RHBDD1: variants seen among roughly 807,000 people sequenced by gnomAD.
RHBDD1 encodes rhomboid-related protein 4.
Under a neutral mutation model 36.3 loss-of-function variants are expected in RHBDD1, and 38 were observed. The ratio of observed to expected loss-of-function variants is 1.05; its 90% CI spans 0.81 to 1.37. The LOEUF is 1.37. Among genes scored for constraint, RHBDD1 ranks in the 40% most tolerant of loss-of-function variants. RHBDD1 has a pLI of 0.00. For missense variants in RHBDD1, 393 were observed against 377.6 expected (o/e 1.04, Z -0.34); for synonymous variants, 151 against 136.5 (o/e 1.11, Z -0.74).
chr2:226,983,493 C>T (rs937891265), intron 8 of RHBDD1, among the ~76,000 whole-genome samples: 4 of 152,180 alleles, frequency 2.6e-5, no homozygotes, highest in Non-Finnish European at 5.9e-5. Flanking sequence ...CCTTGTTTTA[C>T]AAGACACATG....
At chr2:226,988,469 G>A in intron 8 of RHBDD1, 1 of 1,547,048 alleles carries the variant, frequency 6.5e-7, no homozygotes, top group Non-Finnish European at 8.7e-7. Context: ...AGGCTGCAGG[G>A]TCCCTGTAGT....
chr2:226,813,555 G>A, the RHBDD1 span, among the ~76,000 whole-genome samples: 1 of 152,128 alleles, frequency 6.6e-6, no homozygotes, highest in African/African-American at 2.4e-5. Flanking sequence ...TCATAGAATG[G>A]CAATTAGATT....
At chr2:226,987,914 T>C (rs142872871) in intron 8 of RHBDD1, among the ~76,000 whole-genome samples, 165 of 152,332 alleles carry the variant, frequency 1.1e-3, no homozygotes, top group Non-Finnish European at 2.1e-3. Context: ...TCTTCATTTC[T>C]GTGCACACTT....
At chr2:226,876,366 C>G (rs1240360364) in intron 5 of RHBDD1, among the ~76,000 whole-genome samples, 2 of 152,326 alleles carry the variant, frequency 1.3e-5, no homozygotes, top group East Asian at 3.9e-4. Context: ...CACGGGAGAG[C>G]AGTTTCCAAG....
chr2:226,992,880 C>T (rs1165979454), intron 8 of RHBDD1, among the ~76,000 whole-genome samples: 1 of 152,162 alleles, frequency 6.6e-6, no homozygotes, highest in African/African-American at 2.4e-5. Flanking sequence ...GTCCCTAACA[C>T]CTTCTGAGCC....
chr2:226,866,239 T>TCC (rs542880940), intron 4 of RHBDD1, among the ~76,000 whole-genome samples: 13 of 152,036 alleles, frequency 8.6e-5, no homozygotes, highest in Non-Finnish European at 5.9e-5. Flanking sequence ...GCCCAGCTAA[T>TCC]TTTTGTATTT....
chr2:226,835,408 T>G (rs531883026), upstream of RHBDD1, among the ~76,000 whole-genome samples: 1 of 152,346 alleles, frequency 6.6e-6, no homozygotes, highest in Admixed American at 6.5e-5. Context: ...CGTTGCGTGG[T>G]GCAGTCCCAG....
At chr2:226,927,443 G>C (rs567628503) in intron 8 of RHBDD1, among the ~76,000 whole-genome samples, 1 of 151,660 alleles carries the variant, frequency 6.6e-6, no homozygotes, top group Non-Finnish European at 1.5e-5. Context: ...AAAAATTTAC[G>C]TACCGGAATT....
At position 226,995,471 on chromosome 2, in the gene RHBDD1, C is replaced by T. The variant is rs79028313; in HGVS notation, c.897C>T (p.Leu299=). ...RNSPPPYGFH[L]SPEEMRRQRL... is the part of the protein sequence containing the mutation. ...GCCCACCACCCTACGGGTTTCATCT[C>T]TCACCAGAAGAAATGAGGAGACAGC... is the stretch of plus-strand genomic sequence containing the variant. Residue 299 remains leucine (L), a synonymous_variant, in exon 9 of 9, where the codon CTC becomes CTT. Coordinates refer to ENST00000392062, the MANE Select transcript of RHBDD1 (RefSeq NM_001167608.3). The T allele has an allele frequency of 1.5e-3, 2,466 of 1,613,318 alleles. 32 individuals carry two copies. The African/African-American group carries it at 0.029, about 19-fold the overall frequency.
chr2:226,861,439 G>T (rs771194717), intron 3 of RHBDD1, among the ~76,000 whole-genome samples: 4 of 152,162 alleles, frequency 2.6e-5, no homozygotes, highest in Non-Finnish European at 5.9e-5. Context: ...CAGAGCCTGG[G>T]ACACAGTGTG....
intron 8 of RHBDD1, among the ~76,000 whole-genome samples, chr2:226,925,949 C>T (rs891562565): frequency 1.3e-5 from 2 of 151,694 alleles, no homozygotes; most frequent in Non-Finnish European, 2.9e-5. Context: ...GTGTGTGTTT[C>T]AGAGGGGAAA....
intron 3 of RHBDD1, among the ~76,000 whole-genome samples, chr2:226,840,759 C>A (rs987330370): frequency 6.6e-6 from 1 of 152,134 alleles, no homozygotes; most frequent in Non-Finnish European, 1.5e-5. Flanking sequence ...GTCACAATAT[C>A]AGGATAGTAA....
intron 8 of RHBDD1, among the ~76,000 whole-genome samples, chr2:226,943,766 G>C (rs554972813): frequency 2.0e-5 from 3 of 152,258 alleles, no homozygotes; most frequent in Non-Finnish European, 4.4e-5. Flanking sequence ...CTTACATAAC[G>C]CAGGCCTAGT....
intron 8 of RHBDD1, among the ~76,000 whole-genome samples, chr2:226,967,578 GCCTTCATGATAA>G (rs1952743702): frequency 7.6e-6 from 1 of 131,570 alleles, no homozygotes; most frequent in Non-Finnish European, 1.5e-5. Context: ...TGGCTTTTTG[GCCTTCATGATAA>G]CCTATTAGTG....
chr2:226,981,413 A>G (rs909673580), intron 8 of RHBDD1, among the ~76,000 whole-genome samples: 1 of 151,910 alleles, frequency 6.6e-6, no homozygotes, highest in African/African-American at 2.4e-5. Context: ...AAAATTTTTT[A>G]AAAAAGGAGC....
chr2:226,960,143 T>C (rs1952083577), intron 8 of RHBDD1, among the ~76,000 whole-genome samples: 1 of 152,200 alleles, frequency 6.6e-6, no homozygotes, highest in Admixed American at 6.5e-5. Flanking sequence ...TTTAGTAAAC[T>C]GTCAAGCTGT....
intron 8 of RHBDD1, among the ~76,000 whole-genome samples, chr2:226,995,098 T>TA (rs925907070): frequency 6.4e-4 from 89 of 139,242 alleles, no homozygotes; most frequent in Middle Eastern, 3.6e-3. Flanking sequence ...TATATGGGCA[T>TA]AAAAAAAAAA....
chr2:226,914,468 A>T (rs1467219812), intron 8 of RHBDD1, 117 bp downstream of exon 8: 1 of 1,194,488 alleles, frequency 8.4e-7, no homozygotes, highest in African/African-American at 1.5e-5. Context: ...GGATATGTAG[A>T]TGAAAACTGT....
At chr2:226,817,415 G>C in the RHBDD1 span, among the ~76,000 whole-genome samples, 196 of 152,246 alleles carry the variant, frequency 1.3e-3, 1 homozygote, top group Admixed American at 0.01. Flanking sequence ...AAAAATAACT[G>C]GGCACCGATC....
Sources: gnomAD v4.1 joint callset for allele counts (sites outside exome capture counted in the v4.1 genomes callset) on GRCh38, gnomAD v4.1.1 for gene constraint, MANE v1.5 for transcripts, NCBI Gene and HGNC (gene_info 2026-07-23, HGNC 2026-07-21) for gene names.